TF: variants seen among roughly 807,000 people sequenced by gnomAD.
The protein encoded by TF is serotransferrin.
A neutral mutation model predicts 82.4 loss-of-function variants in TF; 55 were observed. The ratio of observed to expected loss-of-function variants is 0.67; its 90% CI spans 0.54 to 0.84. The LOEUF is 0.84. Among genes scored for constraint, TF ranks in the 40% least tolerant of loss-of-function variants. The probability of loss-of-function intolerance (pLI) is 0.00; values close to 1 mark genes in which losing one functional copy is unlikely to be tolerated. For missense variants in TF, 737 were observed against 868.4 expected, an observed-to-expected ratio of 0.85 and a Z score of 1.90; for synonymous variants, 332 against 332.6, an observed-to-expected ratio of 1.00 and a Z score of 0.02.
At chr3:133,689,074 G>A in the TF span, among the ~76,000 whole-genome samples, 96 of 152,036 alleles carry the variant, frequency 6.3e-4, no homozygotes, top group African/African-American at 2.2e-3. Context: ...ACCTGTAATC[G>A]CAGCACTTTG....
chr3:133,684,817 C>A, the TF span, among the ~76,000 whole-genome samples: 1 of 152,160 alleles, frequency 6.6e-6, no homozygotes, highest in Non-Finnish European at 1.5e-5. Flanking sequence ...CTATTCCAAT[C>A]AATAGAAAAA....
the TF span, chr3:133,691,587 G>A: frequency 1.3e-5 from 2 of 152,742 alleles, no homozygotes; most frequent in Admixed American, 6.5e-5. Flanking sequence ...GATGACATTT[G>A]AGCAGTGATG....
At chr3:133,725,868 G>C in the TF span, among the ~76,000 whole-genome samples, 63 of 152,214 alleles carry the variant, frequency 4.1e-4, no homozygotes, top group African/African-American at 1.3e-3. Flanking sequence ...TAGCATGAAG[G>C]GTTGTTGAAT....
At chr3:133,764,738 C>T (rs1934082803) in intron 10 of TF, 137 bp from the exon 11 acceptor site, 1 of 817,158 alleles carries the variant, frequency 1.2e-6, no homozygotes, top group Non-Finnish European at 2.0e-6. Flanking sequence ...AGAGTCTGGA[C>T]TTGTTGGGAA....
chr3:133,663,874 CT>C, the TF span, among the ~76,000 whole-genome samples: 2 of 152,196 alleles, frequency 1.3e-5, no homozygotes, highest in African/African-American at 4.8e-5. Context: ...CACCCTTTAG[CT>C]TTTACCCAGC....
the TF span, among the ~76,000 whole-genome samples, chr3:133,737,427 C>T: frequency 6.6e-6 from 1 of 151,970 alleles, no homozygotes; most frequent in Non-Finnish European, 1.5e-5. Flanking sequence ...ACAGCAAACA[C>T]ATTCAAAAGC....
chr3:133,724,461 G>C, the TF span, among the ~76,000 whole-genome samples: 1 of 151,476 alleles, frequency 6.6e-6, no homozygotes, highest in African/African-American at 2.4e-5. Context: ...CTTCTTATGA[G>C]AAGTGTCTGT....
chr3:133,753,915 A>G, intron 3 of TF: 1 of 637,590 alleles, frequency 1.6e-6, no homozygotes, highest in Admixed American at 2.4e-5. Flanking sequence ...CCTAAAACTG[A>G]GCCCTGGGCC....
chr3:133,708,735 A>T, the TF span, among the ~76,000 whole-genome samples: 1 of 149,718 alleles, frequency 6.7e-6, no homozygotes, highest in Non-Finnish European at 1.5e-5. Flanking sequence ...CATAGTATAT[A>T]AGTAAATACT....
chr3:133,736,498 G>T, the TF span, among the ~76,000 whole-genome samples: 1 of 151,998 alleles, frequency 6.6e-6, no homozygotes, highest in East Asian at 1.9e-4. Flanking sequence ...CCAGTTAAAA[G>T]ACACAGACTG....
chr3:133,732,871 T>G, the TF span, among the ~76,000 whole-genome samples: 38 of 152,210 alleles, frequency 2.5e-4, no homozygotes, highest in Non-Finnish European at 4.8e-4. Flanking sequence ...ACTGAGAGCT[T>G]GGGTGACTTG....
chr3:133,703,172 A>G, the TF span, among the ~76,000 whole-genome samples: 5 of 152,224 alleles, frequency 3.3e-5, no homozygotes, highest in Non-Finnish European at 7.3e-5. Flanking sequence ...ATAAATGCCT[A>G]TATTTCTGAG....
the TF span, among the ~76,000 whole-genome samples, chr3:133,695,253 T>TC: frequency 4.1e-5 from 6 of 147,174 alleles, no homozygotes; most frequent in Admixed American, 1.3e-4. Context: ...TTCTTTTTTT[T>TC]TTTTTTTTTT....
intron 16 of TF, 97 bp downstream of exon 16, chr3:133,777,335 G>C: frequency 8.4e-7 from 1 of 1,189,986 alleles, no homozygotes; most frequent in Non-Finnish European, 1.2e-6. Flanking sequence ...GTGGCCCTTG[G>C]GATAGGACAA....
chr3:133,664,609 T>C, the TF span, among the ~76,000 whole-genome samples: 1 of 152,164 alleles, frequency 6.6e-6, no homozygotes, highest in Non-Finnish European at 1.5e-5. Context: ...CATAAGTCAC[T>C]GCGCCTGGCC....
rs1407670885 is a variant in TF, at chr3:133,754,688, C to G, written c.502+17C>G. On this transcript the variant is annotated intron_variant, in intron 4 of 16. Transcript: ENST00000402696. ...TTGAGAAAGGTAAGCTGGCAGGAGT[C>G]TGGGTGCCCTCGAGCAGCTGCCTCT... is the stretch of plus-strand genomic sequence containing the variant. 6.2e-7 allele frequency: 1 copy of G among 1,613,962 alleles called. No individual in the cohort carries two copies. The highest frequency in any genetic ancestry group is 1.3e-5 in the African/African-American group (1 of 75,056).
At chr3:133,693,097 C>T in the TF span, among the ~76,000 whole-genome samples, 1 of 152,338 alleles carries the variant, frequency 6.6e-6, no homozygotes, top group Middle Eastern at 3.4e-3. Flanking sequence ...GGTGTGTGCA[C>T]CAGCAACTCC....
At chr3:133,721,709 A>G in the TF span, among the ~76,000 whole-genome samples, 1 of 152,148 alleles carries the variant, frequency 6.6e-6, no homozygotes, top group African/African-American at 2.4e-5. Flanking sequence ...TCACTGTATT[A>G]CAGTTTATCT....
At chr3:133,749,016 C>T (rs1051018464) in intron 2 of TF, among the ~76,000 whole-genome samples, 2 of 152,084 alleles carry the variant, frequency 1.3e-5, no homozygotes, top group African/African-American at 2.4e-5. Flanking sequence ...TAAAAATTAG[C>T]TGGGCATGGT....
Sources: allele counts gnomAD v4.1 joint callset (sites outside exome capture counted in the v4.1 genomes callset), GRCh38; gene constraint gnomAD v4.1.1; transcripts MANE v1.5; gene names NCBI Gene and HGNC (gene_info 2026-07-23, HGNC 2026-07-21).